Variants in SPECC1 observed in about 807,000 individuals in gnomAD.
The protein encoded by SPECC1 is cytospin-B.
In SPECC1, 62 loss-of-function variants were observed where a neutral mutation model predicts 104.1. The ratio of observed to expected loss-of-function variants is 0.60; its 90% CI spans 0.49 to 0.74. The LOEUF is 0.74. Among genes scored for constraint, SPECC1 ranks in the 30% least tolerant of loss-of-function variants. SPECC1 has a pLI of 0.00. For synonymous variants in SPECC1, 513 were observed against 501.6 expected (o/e 1.02, Z -0.30); for missense variants, 1,306 against 1,310.5 (o/e 1.00, Z 0.05).
At position 20,173,674 on chromosome 17, in the gene SPECC1, G is replaced by A. The variant is rs1597880625; in HGVS notation, c.284-30659G>A. ...TAGACCTCAACCGTGGTGAAATGTT[G>A]GGCATAAAGGTACATGAACAAAGCT... On this transcript the variant is annotated intron_variant, in intron 3 of 14. Transcript: ENST00000395527. Among the ~76,000 whole-genome samples the A allele has an allele frequency of 2.6e-5, 4 of 152,298 alleles. No individual in the cohort carries two copies. In the East Asian group the frequency reaches 7.7e-4, roughly 29 times the overall value.
chr17:20,047,581 T>C (rs949813040), intron 1 of SPECC1, among the ~76,000 whole-genome samples: 5 of 152,206 alleles, frequency 3.3e-5, no homozygotes, highest in African/African-American at 1.2e-4. Flanking sequence ...GTGTGTCTGT[T>C]GGATCTTTAT....
intron 1 of SPECC1, among the ~76,000 whole-genome samples, chr17:20,061,426 G>A (rs1283067887): frequency 6.6e-6 from 1 of 152,162 alleles, no homozygotes; most frequent in Non-Finnish European, 1.5e-5. Context: ...GAACTTCCAT[G>A]GGCCTCTACA....
intron 1 of SPECC1, among the ~76,000 whole-genome samples, chr17:20,020,209 T>A (rs1158594337): frequency 6.6e-6 from 1 of 152,238 alleles, no homozygotes; most frequent in Non-Finnish European, 1.5e-5. Context: ...ATTAAATGTT[T>A]TAGTTTGAAA....
chr17:20,186,058 G>A (rs545922099), intron 3 of SPECC1, among the ~76,000 whole-genome samples: 2 of 152,178 alleles, frequency 1.3e-5, no homozygotes, highest in African/African-American at 4.8e-5. Flanking sequence ...GGCTGGTCTC[G>A]AACTCCTGAC....
chr17:20,112,051 C>G (rs2048521329), intron 3 of SPECC1: 1 of 767,634 alleles, frequency 1.3e-6, no homozygotes, highest in Non-Finnish European at 2.4e-6. Context: ...CTGACAGATT[C>G]TAAACCACCT....
intron 7 of SPECC1, chr17:20,238,697 G>A: frequency 4.8e-6 from 5 of 1,040,074 alleles, no homozygotes; most frequent in Non-Finnish European, 5.8e-6. Context: ...CTTTACCTCA[G>A]ATTCAGAGTT....
At chr17:20,097,394 A>G (rs2047703746) in intron 2 of SPECC1, among the ~76,000 whole-genome samples, 1 of 152,194 alleles carries the variant, frequency 6.6e-6, no homozygotes, top group African/African-American at 2.4e-5. Context: ...AGACAGTAGC[A>G]CCTACCTCAT....
At chr17:20,293,790 G>A (rs1011514154) in intron 12 of SPECC1, among the ~76,000 whole-genome samples, 1 of 152,158 alleles carries the variant, frequency 6.6e-6, no homozygotes, top group Non-Finnish European at 1.5e-5. Context: ...AGCTTTAGTA[G>A]GCTTGGGAAC....
intron 1 of SPECC1, among the ~76,000 whole-genome samples, chr17:20,016,176 C>G (rs2044118291): frequency 6.7e-6 from 1 of 148,764 alleles, no homozygotes; most frequent in African/African-American, 2.5e-5. Context: ...CAGGATGGCA[C>G]CACTGCACTC....
intron 3 of SPECC1, among the ~76,000 whole-genome samples, chr17:20,148,393 C>T (rs1424192901): frequency 6.6e-6 from 1 of 152,106 alleles, no homozygotes; most frequent in Non-Finnish European, 1.5e-5. Context: ...GTGCACACTA[C>T]CACACTTGGC....
intron 14 of SPECC1, 166 bp downstream of exon 14, chr17:20,306,248 A>G (rs368290959): frequency 3.4e-5 from 19 of 557,630 alleles, no homozygotes; most frequent in East Asian, 8.8e-5. Flanking sequence ...ACATATCAAC[A>G]TATGATTTAG....
At chr17:20,137,219 T>C (rs2030104551) in intron 3 of SPECC1, among the ~76,000 whole-genome samples, 1 of 152,262 alleles carries the variant, frequency 6.6e-6, no homozygotes, top group Admixed American at 6.5e-5. Flanking sequence ...ACGGTTACAC[T>C]GGTTTATTTA....
At chr17:20,119,088 T>A (rs910709034) in intron 3 of SPECC1, among the ~76,000 whole-genome samples, 18 of 152,242 alleles carry the variant, frequency 1.2e-4, no homozygotes, top group Non-Finnish European at 2.2e-4. Flanking sequence ...CTGTGAATAA[T>A]TTATATAGAC....
At chr17:20,175,166 G>GC (rs2034384165) in intron 3 of SPECC1, among the ~76,000 whole-genome samples, 2 of 152,146 alleles carry the variant, frequency 1.3e-5, no homozygotes, top group Non-Finnish European at 2.9e-5. Flanking sequence ...TCAGCCTGCA[G>GC]CCCCCAGAGG....
intron 2 of SPECC1, among the ~76,000 whole-genome samples, chr17:20,105,145 T>G (rs1018870348): frequency 1.3e-5 from 2 of 152,130 alleles, no homozygotes; most frequent in African/African-American, 4.8e-5. Flanking sequence ...TTGCCCATAC[T>G]GGAGTGCAGT....
At chr17:20,223,010 A>G (rs1354701429) in intron 4 of SPECC1, among the ~76,000 whole-genome samples, 1 of 152,050 alleles carries the variant, frequency 6.6e-6, no homozygotes, top group African/African-American at 2.4e-5. Context: ...GTTTATTAAA[A>G]TGTCTTACTT....
Position 20,157,445 on chromosome 17 carries a change from C to T in SPECC1, c.283+46883C>T, listed in dbSNP as rs539371660. On this transcript the variant is annotated intron_variant, in intron 3 of 14. Transcript: ENST00000395527. ...TTTGGGCAGAATAACCAACAATAAG[C>T]ATATTCATAAAATGAAATATGCATA... 3.3e-4 allele frequency among the ~76,000 whole-genome samples: 51 copies of T among 152,260 alleles called. No individual in the cohort carries two copies. The South Asian group carries it at 3.7e-3, about 11-fold the overall frequency.
chr17:20,231,086 G>A (rs919260570), intron 5 of SPECC1, among the ~76,000 whole-genome samples: 1 of 152,218 alleles, frequency 6.6e-6, no homozygotes, highest in Non-Finnish European at 1.5e-5. Flanking sequence ...CTGATAGCCA[G>A]ATGGAGAGAA....
At chr17:20,110,218 T>C (rs543343006) in intron 2 of SPECC1, among the ~76,000 whole-genome samples, 1 of 152,312 alleles carries the variant, frequency 6.6e-6, no homozygotes, top group Middle Eastern at 3.4e-3. Flanking sequence ...TTTGAAACAG[T>C]CATGGGAGAT....
Sources: allele counts gnomAD v4.1 joint callset (sites outside exome capture counted in the v4.1 genomes callset), GRCh38; gene constraint gnomAD v4.1.1; transcripts MANE v1.5; gene names NCBI Gene and HGNC (gene_info 2026-07-23, HGNC 2026-07-21).